Variants in CPNE5 observed in about 807,000 individuals in gnomAD.
CPNE5 encodes copine-5.
Under a neutral mutation model 81.1 loss-of-function variants are expected in CPNE5, and 42 were observed. That is an observed-to-expected ratio of 0.52 (90% CI 0.40 to 0.67). The LOEUF (loss-of-function observed/expected upper bound fraction) is 0.67. Among genes scored for constraint, CPNE5 ranks in the 30% least tolerant of loss-of-function variants. The probability of loss-of-function intolerance (pLI) is 0.00; values close to 1 mark genes in which losing one functional copy is unlikely to be tolerated. For synonymous variants in CPNE5, 313 were observed against 321.5 expected, an observed-to-expected ratio of 0.97 and a Z score of 0.28; for missense variants, 612 against 815.5, an observed-to-expected ratio of 0.75 and a Z score of 3.04.
chr6:36,755,531 G>GTT (rs1554195699), intron 13 of CPNE5: 7,801 of 140,848 alleles, frequency 0.055, 245 homozygotes, highest in Admixed American at 0.066. Flanking sequence ...GTGTGTGTGT[G>GTT]TTTTTTTTTT....
At chr6:36,810,557 G>A (rs1415640513) in intron 3 of CPNE5, among the ~76,000 whole-genome samples, 2 of 152,216 alleles carry the variant, frequency 1.3e-5, no homozygotes, top group Non-Finnish European at 2.9e-5. Context: ...CCCAGTGGCT[G>A]GGAAGAGTGG....
intron 13 of CPNE5, chr6:36,755,634 A>T (rs1408406429): frequency 2.6e-5 from 4 of 153,352 alleles, no homozygotes; most frequent in Admixed American, 2.6e-4. Context: ...AGTGCCTGGC[A>T]CACAGTAGCA....
chr6:36,759,276 T>C (rs1765786948), intron 12 of CPNE5, among the ~76,000 whole-genome samples: 1 of 152,178 alleles, frequency 6.6e-6, no homozygotes, highest in South Asian at 2.1e-4. Context: ...CTGTTTACCC[T>C]GAGGTTTCAT....
intron 1 of CPNE5, among the ~76,000 whole-genome samples, chr6:36,831,252 G>T (rs73416282): frequency 0.13 from 20,220 of 151,140 alleles, 1,575 homozygotes; most frequent in African/African-American, 0.2. Flanking sequence ...ATGTGGTTTC[G>T]CCATGTTGGC....
At chr6:36,748,967 C>T (rs961810072) in intron 14 of CPNE5, among the ~76,000 whole-genome samples, 11 of 152,194 alleles carry the variant, frequency 7.2e-5, no homozygotes, top group African/African-American at 2.2e-4. Flanking sequence ...AAAGAGGTCT[C>T]GCTCTGTCAC....
At chr6:36,824,145 C>T (rs1384041164) in intron 1 of CPNE5, among the ~76,000 whole-genome samples, 2 of 152,214 alleles carry the variant, frequency 1.3e-5, no homozygotes, top group Non-Finnish European at 2.9e-5. Context: ...TCCATGGTTT[C>T]CTCTTGTGTC....
At chr6:36,743,495 G>A (rs1409176842) in intron 20 of CPNE5, among the ~76,000 whole-genome samples, 194 bp downstream of exon 20, 2 of 152,228 alleles carry the variant, frequency 1.3e-5, no homozygotes, top group African/African-American at 4.8e-5. Flanking sequence ...ATGTGACAGA[G>A]GGGGGCCCAG....
chr6:36,763,272 G>C (rs1329143211), intron 11 of CPNE5, among the ~76,000 whole-genome samples: 2 of 152,150 alleles, frequency 1.3e-5, no homozygotes, highest in African/African-American at 4.8e-5. Context: ...GGGACAACTG[G>C]GGAAATTTGA....
At position 36,752,964 on chromosome 6, in the gene CPNE5, C is replaced by G. The variant is rs564147978; in HGVS notation, c.971+70G>C. 5.4e-6 allele frequency: 7 copies of G among 1,307,212 alleles called. No individual in the cohort carries two copies. The East Asian group carries it at 1.6e-4, about 31-fold the overall frequency. 81.0% of individuals were successfully genotyped at this position (1,307,212 alleles called of 1,614,324 possible). A position where few individuals can be genotyped will look rare whatever the true frequency, so the allele number is the denominator to read the frequency against. On this transcript the variant is annotated intron_variant, in intron 14 of 20. Transcript: ENST00000244751. ...GAAGAGGCCAGGGTGGGGCCAGAGC[C>G]GGTCCTGTCGGTGTGTGGGGCCCTT...
chr6:36,817,233 G>A (rs1311202629), intron 3 of CPNE5, among the ~76,000 whole-genome samples: 1 of 152,162 alleles, frequency 6.6e-6, no homozygotes, highest in Non-Finnish European at 1.5e-5. Context: ...GCTGAGACAG[G>A]AATATCATTT....
intron 8 of CPNE5, among the ~76,000 whole-genome samples, chr6:36,784,338 G>A (rs1156778178): frequency 6.6e-6 from 1 of 152,196 alleles, no homozygotes; most frequent in East Asian, 1.9e-4. Context: ...CTGAAACGAA[G>A]GCAAGCTTCC....
chr6:36,749,452 T>C (rs1452372523), intron 14 of CPNE5, among the ~76,000 whole-genome samples: 1 of 152,138 alleles, frequency 6.6e-6, no homozygotes, highest in African/African-American at 2.4e-5. Flanking sequence ...ATTAAGGAAT[T>C]GTTAATTTTT....
upstream of CPNE5, chr6:36,839,516 G>C (rs891584771): frequency 3.1e-6 from 2 of 637,462 alleles, no homozygotes; most frequent in Non-Finnish European, 5.2e-6. The surrounding 1 kb of genome is among the most constrained non-coding windows in gnomAD (Gnocchi z 7.3). Context: ...AGCGCGAAGA[G>C]GGGGCGTGGG....
chr6:36,822,543 G>A (rs937337836), intron 2 of CPNE5, among the ~76,000 whole-genome samples: 2 of 152,166 alleles, frequency 1.3e-5, no homozygotes, highest in Admixed American at 6.5e-5. Context: ...TGTGATGGAC[G>A]ACAAGCAGAG....
chr6:36,743,871 C>T lies in CPNE5; in HGVS notation c.1490-109G>A, dbSNP rs1271902116. The T allele has an allele frequency of 4.2e-6, 4 of 960,160 alleles. No individual in the cohort carries two copies. In the East Asian group the frequency reaches 7.3e-5, roughly 18 times the overall value. The allele number at this position is 960,160 out of a possible 1,614,324, so 59.5% of individuals were successfully genotyped here. On this transcript the variant is annotated intron_variant, in intron 19 of 20. Coordinates refer to ENST00000244751, the MANE Select transcript of CPNE5 (RefSeq NM_020939.2). ...TCCCAGGCCAATCCAGGGCCGAGAC[C>T]ACTGGCCCATGCCCCGTGTTAGAGA...
rs1769963987 is a variant in CPNE5 at position 36,800,036 on chromosome 6, T to C, written c.218A>G (p.Asn73Ser). 6.2e-7 allele frequency: 1 copy of C among 1,613,946 alleles called. No individual in the cohort carries two copies. The change falls in exon 4 of 21, where the codon AAT becomes AGT. Residue 73 changes from asparagine to serine, a missense_variant. Transcript: ENST00000244751. ...AATGAACTTGCGCACGAAGTCAGGA[T>C]TGAGCGTGTTGTCGATGACTTCGGT... ...GRTEVIDNTL[N>S]PDFVRKFIVD...
At chr6:36,768,225 C>CTTTTTTTCTTTTTCTTTTTTTTTTTTTTT (rs527797208) in intron 10 of CPNE5, among the ~76,000 whole-genome samples, 1 of 60,496 alleles carries the variant, frequency 1.7e-5, no homozygotes, top group African/African-American at 6.4e-5. Flanking sequence ...ATTCACAGTT[C>CTTTTTTTCTTTTTCTTTTTTTTTTTTTTT]TTTTTTTTTT....
intron 14 of CPNE5, chr6:36,752,447 C>T (rs927756361): frequency 6.6e-6 from 1 of 152,502 alleles, no homozygotes. Flanking sequence ...GGACCAATCC[C>T]TGGCTTATCC....
At chr6:36,792,569 C>T (rs1769197554) in intron 7 of CPNE5, 3 of 458,094 alleles carry the variant, frequency 6.5e-6, no homozygotes, top group Admixed American at 2.4e-5. Context: ...GGCAGGAGGG[C>T]TGGTGGGCCC....
Sources: gnomAD v4.1 joint callset for allele counts (sites outside exome capture counted in the v4.1 genomes callset) on GRCh38, gnomAD v4.1.1 for gene constraint, Gnocchi (gnomAD v3.1) non-coding constraint, MANE v1.5 for transcripts, NCBI Gene and HGNC (gene_info 2026-07-23, HGNC 2026-07-21) for gene names.